The following BCAR3 variants were observed in gnomAD, a reference collection of about 807,000 sequenced individuals.
BCAR3 encodes breast cancer anti-estrogen resistance protein 3.
In BCAR3, 37 loss-of-function variants were observed where a neutral mutation model predicts 80.1. That is an observed-to-expected ratio of 0.46 (90% CI 0.36 to 0.61). The LOEUF (loss-of-function observed/expected upper bound fraction) is 0.61, where lower values mean the gene tolerates loss of function less well. Among genes scored for constraint, BCAR3 ranks in the 20% least tolerant of loss-of-function variants. The pLI, the probability that BCAR3 is intolerant of heterozygous loss-of-function variation, is 0.00. For missense variants in BCAR3, 978 were observed against 1,068.2 expected (o/e 0.92, Z 1.18); for synonymous variants, 389 against 418.9 (o/e 0.93, Z 0.87).
At chr1:93,749,061 T>C (rs1012289407) in intron 2 of BCAR3, among the ~76,000 whole-genome samples, 28 of 152,202 alleles carry the variant, frequency 1.8e-4, no homozygotes, top group Non-Finnish European at 3.8e-4. Flanking sequence ...CAGGGCATTA[T>C]ATAGGTCTCA....
In BCAR3 at chr1:93,582,939, G is replaced by A. The variant is rs183057886; in HGVS notation, c.1048C>T (p.Pro350Ser). The A allele has an allele frequency of 6.3e-7, 1 of 1,590,234 alleles. No homozygotes were observed. Among genetic ancestry groups the A allele is most frequent in the Non-Finnish European group, 8.5e-7 (1 of 1,171,268 alleles). ...SYLPIGCKLPPQSSGVDTSPC... is the reference protein window; with the variant it reads ...SYLPIGCKLPSQSSGVDTSPC... ...CTTGTGTCCACACCCGAGGACTGAG[G>A]TGGCAGCTTGCAGCCTGTGGGGGAT... The change falls in exon 7 of 12, where the codon CCT (proline) becomes TCT (serine). Residue 350 changes from proline (P) to serine (S), a missense_variant. By Grantham distance (74) the Pro-to-Ser change is moderately conservative. Transcript: ENST00000260502.
chr1:93,780,653 G>A lies in BCAR3; in HGVS notation c.-63+64914C>T, dbSNP rs150740501. On this transcript the variant is annotated intron_variant, in intron 2 of 13. Transcript: ENST00000370244. The stretch of plus-strand genomic sequence containing the variant: ...GCTCAAAACTCCATTTTGGGGGTGC[G>A]TTTGACATGCATTGTGGATGGTTTC... Among the ~76,000 whole-genome samples, 383 of 151,970 alleles carry A rather than the reference G, an allele frequency of 2.5e-3. 1 individual carries two copies. Among genetic ancestry groups the A allele is most frequent in the African/African-American group, 8.8e-3 (363 of 41,470 alleles).
At chr1:93,568,162 GTT>G in intron 9 of BCAR3, 3 of 195,008 alleles carry the variant, frequency 1.5e-5, no homozygotes, top group Non-Finnish European at 3.1e-5. Context: ...CTCCAGCCTG[GTT>G]GACAGAGTGA....
chr1:93,590,214 C>G (rs1022793494), intron 4 of BCAR3: 1 of 152,108 alleles, frequency 6.6e-6, no homozygotes, highest in Non-Finnish European at 1.5e-5. Flanking sequence ...AGTGGATGCT[C>G]AAAAATAGTT....
At chr1:93,656,800 C>T (rs1017438914) in intron 2 of BCAR3, among the ~76,000 whole-genome samples, 9 of 152,042 alleles carry the variant, frequency 5.9e-5, no homozygotes, top group African/African-American at 1.2e-4. Context: ...GACAGGGTCT[C>T]GCTATGTTGA....
At chr1:93,838,687 G>A (rs1654852849) in intron 2 of BCAR3, among the ~76,000 whole-genome samples, 1 of 152,030 alleles carries the variant, frequency 6.6e-6, no homozygotes, top group Admixed American at 6.5e-5. Flanking sequence ...TTCTACAAAC[G>A]CAGTTATTAT....
At chr1:93,637,077 C>T (rs1675805023) in intron 3 of BCAR3, among the ~76,000 whole-genome samples, 1 of 151,984 alleles carries the variant, frequency 6.6e-6, no homozygotes, top group Non-Finnish European at 1.5e-5. Context: ...GCCTGGGCAA[C>T]AGAGTAAGCC....
chr1:93,718,258 G>A (rs892725722), intron 2 of BCAR3, among the ~76,000 whole-genome samples: 4 of 152,202 alleles, frequency 2.6e-5, no homozygotes, highest in Admixed American at 6.5e-5. Flanking sequence ...AATGAAGGAA[G>A]ATAGAAGTAG....
intron 2 of BCAR3, chr1:93,754,048 G>C (rs1022703018): frequency 6.6e-5 from 10 of 152,308 alleles, no homozygotes; most frequent in African/African-American, 2.4e-4. Context: ...TCACTCCTCA[G>C]CAAAGTATTT....
rs956618780 is a variant in BCAR3, at chr1:93,586,308, G to A, written c.930-2187C>T. Among the ~76,000 whole-genome samples, 2 of 151,986 alleles carry A rather than the reference G, an allele frequency of 1.3e-5. No homozygotes were observed. Among genetic ancestry groups the A allele is most frequent in the African/African-American group, 4.8e-5 (2 of 41,372 alleles). On this transcript the variant is annotated intron_variant, in intron 5 of 11. Transcript: ENST00000260502. This position sits in a 1 kb window ranked among gnomAD's most constrained non-coding sequence, Gnocchi z 4.2. ...ATCCCACAAATAAGTGAGAACATTTGTCTTTCTGTGTCTGGCTTATTTCAC... is the reference window on the plus strand; with the variant it reads ...ATCCCACAAATAAGTGAGAACATTTATCTTTCTGTGTCTGGCTTATTTCAC...
At chr1:93,722,235 G>A (rs1472293312) in intron 2 of BCAR3, among the ~76,000 whole-genome samples, 5 of 152,198 alleles carry the variant, frequency 3.3e-5, no homozygotes, top group Admixed American at 2.0e-4. Context: ...GAACTCCCGA[G>A]TGAGGGCCTC....
chr1:93,684,635 T>C (rs1648909569), upstream of BCAR3, among the ~76,000 whole-genome samples: 1 of 152,258 alleles, frequency 6.6e-6, no homozygotes. Context: ...ACTTCAACCA[T>C]AAATTCATTC....
chr1:93,763,173 C>T (rs1652014696), intron 2 of BCAR3, among the ~76,000 whole-genome samples: 2 of 152,154 alleles, frequency 1.3e-5, no homozygotes, highest in South Asian at 2.1e-4. Flanking sequence ...AGGCAATCCT[C>T]CCACCTCAGC....
At chr1:93,821,304 A>C (rs1231442178) in intron 2 of BCAR3, among the ~76,000 whole-genome samples, 1 of 152,134 alleles carries the variant, frequency 6.6e-6, no homozygotes, top group East Asian at 1.9e-4. Context: ...CCAGGAGCAA[A>C]GCCTCCTCTG....
intron 8 of BCAR3, among the ~76,000 whole-genome samples, chr1:93,572,599 GGTCA>G (rs1673264264): frequency 6.6e-6 from 1 of 152,164 alleles, no homozygotes; most frequent in Non-Finnish European, 1.5e-5. Context: ...ATATGAATGG[GGTCA>G]GTCTGCGGCA....
At chr1:93,573,177 C>T (rs7531106) in intron 8 of BCAR3, among the ~76,000 whole-genome samples, 24,935 of 152,032 alleles carry the variant, frequency 0.16, 2,244 homozygotes, top group Non-Finnish European at 0.2. Context: ...AGGCACAATG[C>T]TTGAGCCCAG....
At chr1:93,828,795 A>G (rs1214154526) in intron 2 of BCAR3, among the ~76,000 whole-genome samples, 1 of 152,106 alleles carries the variant, frequency 6.6e-6, no homozygotes, top group African/African-American at 2.4e-5. Context: ...CCTGGGTTCA[A>G]GCAATCCGTG....
intron 2 of BCAR3, among the ~76,000 whole-genome samples, chr1:93,781,922 T>A (rs2100759954): frequency 6.6e-6 from 1 of 152,332 alleles, no homozygotes; most frequent in Middle Eastern, 3.4e-3. Context: ...TCATCATGAC[T>A]TGAGCTAGGA....
At chr1:93,569,581 C>T (rs1308343278) in intron 9 of BCAR3, among the ~76,000 whole-genome samples, 2 of 152,232 alleles carry the variant, frequency 1.3e-5, no homozygotes, top group African/African-American at 4.8e-5. Flanking sequence ...GAGAAGGTGG[C>T]AGATGTGGCT....
Sources: gnomAD v4.1 joint callset for allele counts (sites outside exome capture counted in the v4.1 genomes callset) on GRCh38, gnomAD v4.1.1 for gene constraint, Gnocchi (gnomAD v3.1) non-coding constraint, MANE v1.5 for transcripts, NCBI Gene and HGNC (gene_info 2026-07-23, HGNC 2026-07-21) for gene names.